Variants in CNBD1 observed in about 807,000 individuals in gnomAD.
The protein encoded by CNBD1 is cyclic nucleotide binding domain containing 1, also known as cyclic nucleotide-binding domain-containing protein 1.
CNBD1 carries 71 observed loss-of-function variants against 54.4 expected under a neutral mutation model. The ratio of observed to expected loss-of-function variants is 1.30; its 90% CI spans 1.08 to 1.59. The LOEUF (loss-of-function observed/expected upper bound fraction) is 1.59, where lower values mean the gene tolerates loss of function less well. Among genes scored for constraint, CNBD1 ranks in the 40% most tolerant of loss-of-function variants. The probability of loss-of-function intolerance (pLI) is 0.00; values close to 1 mark genes in which losing one functional copy is unlikely to be tolerated. For synonymous variants in CNBD1, 182 were observed against 170.7 expected, an observed-to-expected ratio of 1.07 and a Z score of -0.51; for missense variants, 659 against 518.0, an observed-to-expected ratio of 1.27 and a Z score of -2.64.
At chr8:87,132,310 G>A (rs1039337272) in intron 4 of CNBD1, among the ~76,000 whole-genome samples, 2 of 151,616 alleles carry the variant, frequency 1.3e-5, no homozygotes, top group African/African-American at 4.8e-5. Context: ...TACTAATTGT[G>A]TTAACATTAT....
chr8:87,242,304 T>C (rs1280097469), intron 6 of CNBD1, among the ~76,000 whole-genome samples: 1 of 152,162 alleles, frequency 6.6e-6, no homozygotes, highest in African/African-American at 2.4e-5. Flanking sequence ...TTTTTCCTGA[T>C]ACAAGAGAAA....
At chr8:87,024,753 A>T (rs1458302309) in intron 4 of CNBD1, among the ~76,000 whole-genome samples, 1 of 152,156 alleles carries the variant, frequency 6.6e-6, no homozygotes. Flanking sequence ...TGTTTTAAAG[A>T]CTTCTTCTCC....
At chr8:87,278,330 A>C (rs1176996822) in intron 6 of CNBD1, among the ~76,000 whole-genome samples, 1 of 151,546 alleles carries the variant, frequency 6.6e-6, no homozygotes, top group Non-Finnish European at 1.5e-5. Context: ...ATCTAATAAC[A>C]GATTTAAGTT....
At chr8:86,943,420 A>G (rs893385076) in intron 4 of CNBD1, among the ~76,000 whole-genome samples, 2 of 151,376 alleles carry the variant, frequency 1.3e-5, no homozygotes, top group Non-Finnish European at 1.5e-5. Context: ...TAAGATTAAG[A>G]TACTATTACC....
At chr8:87,239,740 G>A (rs1363138255) in intron 6 of CNBD1, among the ~76,000 whole-genome samples, 1 of 152,046 alleles carries the variant, frequency 6.6e-6, no homozygotes, top group Non-Finnish European at 1.5e-5. Context: ...AAAGCTCCAA[G>A]CATCTGCTGT....
chr8:86,899,520 A>C (rs186930034), intron 2 of CNBD1, among the ~76,000 whole-genome samples: 77 of 152,264 alleles, frequency 5.1e-4, no homozygotes, highest in Non-Finnish European at 1.8e-4. Context: ...TTAGTTCTTC[A>C]AGTTTGACTG....
At chr8:87,424,081 T>G (rs1807996077) in intron 2 of CNBD1, among the ~76,000 whole-genome samples, 1 of 152,228 alleles carries the variant, frequency 6.6e-6, no homozygotes. Context: ...TTTGTAGTAT[T>G]CTCTGATGGT....
intron 4 of CNBD1, among the ~76,000 whole-genome samples, chr8:87,040,225 G>A (rs776011532): frequency 2.0e-5 from 3 of 152,178 alleles, no homozygotes; most frequent in Non-Finnish European, 4.4e-5. Context: ...GTTTCAAACT[G>A]TAAACTAAGT....
At chr8:87,086,088 A>T (rs73693018) in intron 4 of CNBD1, among the ~76,000 whole-genome samples, 2,800 of 152,290 alleles carry the variant, frequency 0.018, 95 homozygotes, top group African/African-American at 0.063. Flanking sequence ...CTCTCATCTA[A>T]GTTCCTGGTG....
chr8:86,995,350 T>C (rs955583355), intron 4 of CNBD1, among the ~76,000 whole-genome samples: 2 of 152,226 alleles, frequency 1.3e-5, no homozygotes, highest in Admixed American at 1.3e-4. Flanking sequence ...TTCTGCATTA[T>C]ACTGCAGAAA....
chr8:87,149,036 G>A (rs1428767266), intron 4 of CNBD1, among the ~76,000 whole-genome samples: 1 of 152,154 alleles, frequency 6.6e-6, no homozygotes, highest in African/African-American at 2.4e-5. Flanking sequence ...CAAAGGTGGT[G>A]GTCTACAGAT....
chr8:86,943,064 A>C (rs1207066504), intron 4 of CNBD1, among the ~76,000 whole-genome samples: 3 of 151,968 alleles, frequency 2.0e-5, no homozygotes, highest in African/African-American at 7.3e-5. Context: ...AAAAAAAAAA[A>C]ACATTTTGAG....
intron 6 of CNBD1, among the ~76,000 whole-genome samples, chr8:87,244,985 A>G (rs1807775612): frequency 6.6e-6 from 1 of 152,136 alleles, no homozygotes; most frequent in Non-Finnish European, 1.5e-5. Context: ...TAAAATGTAA[A>G]CATTAGAATA....
intron 2 of CNBD1, among the ~76,000 whole-genome samples, chr8:87,392,183 G>C (rs186235777): frequency 6.6e-6 from 1 of 151,878 alleles, no homozygotes; most frequent in Admixed American, 6.6e-5. Context: ...GAAAAAATTC[G>C]TGCTCTCATA....
At chr8:87,287,711 T>A (rs1038156578) in intron 8 of CNBD1, among the ~76,000 whole-genome samples, 1 of 152,086 alleles carries the variant, frequency 6.6e-6, no homozygotes, top group Non-Finnish European at 1.5e-5. Flanking sequence ...GGAGTTCTTT[T>A]ACTGAAAAAA....
chr8:87,418,221 C>T (rs115568394), intron 2 of CNBD1, among the ~76,000 whole-genome samples: 3 of 151,960 alleles, frequency 2.0e-5, no homozygotes, highest in African/African-American at 7.2e-5. Flanking sequence ...ATATAAGAGT[C>T]CAGAAATAAA....
rs747741170 is a variant in CNBD1 at position 86,866,475 on chromosome 8, A to G, written c.-21A>G. On this transcript the variant is annotated 5_prime_UTR_variant, in exon 1 of 11. Transcript: ENST00000518476. Reference sequence around the variant, plus strand: ...CCTCTCAAGCAGCCTCTGGTCATCTATCTGCCTTTGAGCCATCAAGATGCC... The same window carrying G: ...CCTCTCAAGCAGCCTCTGGTCATCTGTCTGCCTTTGAGCCATCAAGATGCC... 33 of 1,590,950 alleles carry G rather than the reference A, an allele frequency of 2.1e-5. No homozygotes were observed. Among genetic ancestry groups the G allele is most frequent in the African/African-American group, 5.4e-5 (4 of 74,516 alleles).
intron 8 of CNBD1, among the ~76,000 whole-genome samples, chr8:87,288,081 C>G (rs1188010637): frequency 2.0e-5 from 3 of 151,970 alleles, no homozygotes; most frequent in Admixed American, 1.3e-4. Context: ...ATGTTTATTA[C>G]ATAGAAACAG....
chr8:87,379,200 G>C (rs1586063949), intron 10 of CNBD1, among the ~76,000 whole-genome samples: 1 of 151,738 alleles, frequency 6.6e-6, no homozygotes, highest in African/African-American at 2.4e-5. Context: ...TGTTGAATAG[G>C]AGTGGTGAGA....
Sources: gnomAD v4.1 joint callset for allele counts (sites outside exome capture counted in the v4.1 genomes callset) on GRCh38, gnomAD v4.1.1 for gene constraint, MANE v1.5 for transcripts, NCBI Gene and HGNC (gene_info 2026-07-23, HGNC 2026-07-21) for gene names.